DCLRE1C: variants seen among roughly 807,000 people sequenced by gnomAD.
DCLRE1C encodes protein artemis.
DCLRE1C carries 47 observed loss-of-function variants against 61.4 expected under a neutral mutation model. That is an observed-to-expected ratio of 0.77 (90% CI 0.61 to 0.98). The LOEUF (loss-of-function observed/expected upper bound fraction) is 0.98. DCLRE1C is among the 50% of genes least tolerant of loss of function. The pLI, the probability that DCLRE1C is intolerant of heterozygous loss-of-function variation, is 0.00. For synonymous variants in DCLRE1C, 337 were observed against 287.6 expected, an observed-to-expected ratio of 1.17 and a Z score of -1.74; for missense variants, 858 against 816.0, an observed-to-expected ratio of 1.05 and a Z score of -0.63.
At chr10:14,946,281 T>C (rs949928539) in intron 2 of DCLRE1C, among the ~76,000 whole-genome samples, 3 of 152,160 alleles carry the variant, frequency 2.0e-5, no homozygotes, top group Admixed American at 6.5e-5. Context: ...GTGATGGGAT[T>C]ACAGGCATGA....
intron 13 of DCLRE1C, chr10:14,911,287 C>T (rs1835211591): frequency 6.6e-6 from 1 of 152,298 alleles, no homozygotes; most frequent in Non-Finnish European, 1.5e-5. Flanking sequence ...AGCCTTGCCT[C>T]AGTAGTGGGG....
intron 9 of DCLRE1C, among the ~76,000 whole-genome samples, chr10:14,931,171 A>G (rs562417669): frequency 2.6e-5 from 4 of 152,264 alleles, no homozygotes; most frequent in Admixed American, 1.3e-4. Flanking sequence ...ATTAGCCTTA[A>G]TAATTTTAAT....
Position 14,954,084 on chromosome 10 carries a change from C to T in DCLRE1C, c.-74G>A. ...AAGGCCAGCCCTGACCGCGCCGCCA[C>T]TTCCGGGAAGCCGCGCGCTGCCTCG... On this transcript the variant is annotated 5_prime_UTR_variant, in exon 1 of 14. The change creates a new upstream start codon in the 5' untranslated region. Coordinates refer to ENST00000378278, the MANE Select transcript of DCLRE1C (RefSeq NM_001033855.3). The T allele has an allele frequency of 6.2e-7, 1 of 1,603,946 alleles. No individual in the cohort carries two copies. The highest frequency in any genetic ancestry group is 8.5e-7 in the Non-Finnish European group (1 of 1,177,336).
intron 1 of DCLRE1C, among the ~76,000 whole-genome samples, chr10:14,951,696 A>T (rs1287807271): frequency 1.3e-5 from 2 of 152,126 alleles, no homozygotes; most frequent in Non-Finnish European, 2.9e-5. Context: ...ATGCACTCAC[A>T]TGGCTTTCCT....
intron 13 of DCLRE1C, among the ~76,000 whole-genome samples, chr10:14,911,029 A>G (rs980786801): frequency 1.3e-5 from 2 of 152,212 alleles, no homozygotes; most frequent in Admixed American, 6.5e-5. Flanking sequence ...TTTACAGAGC[A>G]GAAGACCAGA....
chr10:14,929,738 G>A (rs1005581023), intron 9 of DCLRE1C, among the ~76,000 whole-genome samples: 5 of 151,904 alleles, frequency 3.3e-5, no homozygotes, highest in African/African-American at 9.7e-5. Context: ...AAAAAAAATG[G>A]GACAACTTTT....
At chr10:14,903,151 C>A (rs2131730894), downstream of DCLRE1C, 1 of 152,256 alleles carries the variant, frequency 6.6e-6, no homozygotes, top group African/African-American at 2.4e-5. Context: ...ATGTCTGAAC[C>A]TGTAATTCTT....
At chr10:14,913,357 T>C (rs763807386) in intron 13 of DCLRE1C, among the ~76,000 whole-genome samples, 3 of 152,256 alleles carry the variant, frequency 2.0e-5, no homozygotes, top group Non-Finnish European at 2.9e-5. Flanking sequence ...AGTCGTGGAA[T>C]TGTTCACCTA....
At chr10:14,929,173 G>A (rs1838539867) in intron 9 of DCLRE1C, among the ~76,000 whole-genome samples, 1 of 152,180 alleles carries the variant, frequency 6.6e-6, no homozygotes, top group Non-Finnish European at 1.5e-5. Flanking sequence ...GGGAGGCTGA[G>A]GCAGGTGGAT....
chr10:14,907,316 A>C lies in DCLRE1C; in HGVS notation c.*1092T>G, dbSNP rs1424779976. ...ATACTAGATCCAAGTTTGTCAATTTAAATCAGGTGTGTTTATGAGCAAAGA... is the reference window on the plus strand; with the variant it reads ...ATACTAGATCCAAGTTTGTCAATTTCAATCAGGTGTGTTTATGAGCAAAGA... On this transcript the variant is annotated 3_prime_UTR_variant, in exon 14 of 14. Coordinates refer to ENST00000378278, the MANE Select transcript of DCLRE1C (RefSeq NM_001033855.3). 1.3e-5 allele frequency among the ~76,000 whole-genome samples: 2 copies of C among 150,522 alleles called. No individual in the cohort carries two copies. The highest frequency in any genetic ancestry group is 4.9e-5 in the African/African-American group (2 of 40,772).
chr10:14,903,554 A>C (rs1232909575), downstream of DCLRE1C: 1 of 152,124 alleles, frequency 6.6e-6, no homozygotes, highest in East Asian at 1.9e-4. Context: ...TTTATACATA[A>C]ATTTTTTTTA....
chr10:14,928,964 G>C (rs1460320720), intron 9 of DCLRE1C, among the ~76,000 whole-genome samples: 2 of 151,904 alleles, frequency 1.3e-5, no homozygotes, highest in Non-Finnish European at 2.9e-5. Flanking sequence ...TCTATTTTTA[G>C]TTACAGGATT....
intron 2 of DCLRE1C, 188 bp from the exon 3 acceptor site, chr10:14,945,377 A>G: frequency 7.5e-7 from 1 of 1,333,582 alleles, no homozygotes; most frequent in South Asian, 1.6e-5. Flanking sequence ...TTCATCATAC[A>G]TCTAATAATT....
At chr10:14,899,470 G>A (rs185751453) in intron 13 of DCLRE1C, 13 of 1,524,202 alleles carry the variant, frequency 8.5e-6, no homozygotes, top group Middle Eastern at 3.4e-4. Context: ...TCGCATATTA[G>A]TAGATAGGTA....
At chr10:14,937,439 C>T (rs1432505791) in intron 4 of DCLRE1C, among the ~76,000 whole-genome samples, 2 of 151,972 alleles carry the variant, frequency 1.3e-5, no homozygotes. Context: ...CCTGCCATCA[C>T]GCCTGGCTAA....
At chr10:14,910,458 C>G (rs890474470) in intron 13 of DCLRE1C, among the ~76,000 whole-genome samples, 4 of 152,192 alleles carry the variant, frequency 2.6e-5, no homozygotes, top group African/African-American at 9.7e-5. Flanking sequence ...AGATCCACCC[C>G]CATGCCCAGC....
chr10:14,951,389 CAAAAAAAAAAAAAAAAAAA>C (rs60272216), intron 1 of DCLRE1C, among the ~76,000 whole-genome samples: 6 of 46,036 alleles, frequency 1.3e-4, no homozygotes, highest in Admixed American at 3.8e-4. Context: ...AACCCTGTCT[CAAAAAAAAAAAAAAAAAAA>C]AAAAAAAAAA....
Position 14,908,599 on chromosome 10 carries a change from T to C in DCLRE1C, c.1888A>G (p.Ile630Val), listed in dbSNP as rs2131770710. 1.2e-6 allele frequency: 2 copies of C among 1,614,208 alleles called. No individual in the cohort carries two copies. The highest frequency in any genetic ancestry group is 1.3e-5 in the African/African-American group (1 of 75,056). ...TTTAGCAAACTTTTTTCCTCGGGTA[T>C]ATGTGTCTCACTGCTTAGAGTAGTT... ...EPTTLSSETHIPEEKSLLNLS... is the reference protein window; with the variant it reads ...EPTTLSSETHVPEEKSLLNLS... Residue 630 changes from isoleucine to valine, a missense_variant, in exon 14 of 14, where the codon ATA (isoleucine) becomes GTA (valine). Around this residue, in one of 2 missense-constraint regions of DCLRE1C, gnomAD observed 843 missense variants for 783.5 expected, o/e 1.08. Transcript: ENST00000378278.
chr10:14,921,938 C>T (rs1837182759), intron 12 of DCLRE1C, among the ~76,000 whole-genome samples: 1 of 152,242 alleles, frequency 6.6e-6, no homozygotes, highest in African/African-American at 2.4e-5. Context: ...TCCTTTCCAT[C>T]GACATCTGCA....
Sources: allele counts gnomAD v4.1 joint callset (sites outside exome capture counted in the v4.1 genomes callset), GRCh38; gene constraint gnomAD v4.1.1; regional missense constraint gnomAD v4.1.1; transcripts MANE v1.5; gene names NCBI Gene and HGNC (gene_info 2026-07-23, HGNC 2026-07-21).